RRM2: variants seen among roughly 807,000 people sequenced by gnomAD.
RRM2 encodes ribonucleotide reductase regulatory subunit M2, also known as ribonucleoside-diphosphate reductase subunit M2.
In RRM2, 6 loss-of-function variants were observed where a neutral mutation model predicts 45.9. The ratio of observed to expected loss-of-function variants is 0.13; its 90% CI spans 0.07 to 0.26. The LOEUF is 0.26. RRM2 is among the 10% of genes least tolerant of loss of function. The probability of loss-of-function intolerance (pLI) is 1.00; values close to 1 mark genes in which losing one functional copy is unlikely to be tolerated. For missense variants in RRM2, 343 were observed against 489.5 expected, an observed-to-expected ratio of 0.70 and a Z score of 2.82; for synonymous variants, 177 against 173.0, an observed-to-expected ratio of 1.02 and a Z score of -0.18.
chr2:10,122,638 T>C (rs1662675904), upstream of RRM2: 5 of 1,542,926 alleles, frequency 3.2e-6, no homozygotes, highest in South Asian at 2.4e-5. Context: ...GTCGGAGGCA[T>C]GGCACAGCCA....
At chr2:10,168,012 A>G (rs894081932) in intron 3 of RRM2, among the ~76,000 whole-genome samples, 2 of 149,966 alleles carry the variant, frequency 1.3e-5, no homozygotes, top group Admixed American at 6.7e-5. Context: ...ACAGATCAAC[A>G]GTAGAAAAGA....
At chr2:10,174,848 C>CA (rs1483190969) in intron 3 of RRM2, among the ~76,000 whole-genome samples, 1 of 145,294 alleles carries the variant, frequency 6.9e-6, no homozygotes, top group Non-Finnish European at 1.5e-5. Context: ...GCCTGGGTGA[C>CA]AGAGTGAGAC....
chr2:10,197,172 T>A (rs990028434), intron 3 of RRM2, among the ~76,000 whole-genome samples: 2 of 152,158 alleles, frequency 1.3e-5, no homozygotes, highest in Non-Finnish European at 2.9e-5. Flanking sequence ...GCCTCAACAA[T>A]CCCTCCTTCG....
At chr2:10,132,024 C>T (rs545477031), downstream of RRM2, among the ~76,000 whole-genome samples, 1 of 152,298 alleles carries the variant, frequency 6.6e-6, no homozygotes, top group South Asian at 2.1e-4. Context: ...TGTCCCACAT[C>T]TGACCTGTGT....
rs149694143 is a variant in RRM2, at chr2:10,170,574, G to A, written n.482+28199G>A. On this transcript the variant is annotated intron_variant and non_coding_transcript_variant, in intron 3 of 3. Transcript: ENST00000381786. ...ATGCCAAGGAGGCGCCTGGGCAGCTGATGAGCTCAGCCCCAGGGTGACTGC... is the reference window on the plus strand; with the variant it reads ...ATGCCAAGGAGGCGCCTGGGCAGCTAATGAGCTCAGCCCCAGGGTGACTGC... Among the ~76,000 whole-genome samples, 1,516 of 152,308 alleles carry A rather than the reference G, an allele frequency of 1.0e-2. 16 individuals are homozygous for A. Among genetic ancestry groups the A allele is most frequent in the Non-Finnish European group, 0.015 (1,041 of 68,014 alleles).
At chr2:10,157,665 C>CT (rs1397940300) in intron 3 of RRM2, among the ~76,000 whole-genome samples, 1 of 152,146 alleles carries the variant, frequency 6.6e-6, no homozygotes, top group Non-Finnish European at 1.5e-5. Context: ...TAGCTGTAAT[C>CT]TTTTTTGTTG....
chr2:10,198,999 A>T (rs1268607411), intron 3 of RRM2: 1 of 152,186 alleles, frequency 6.6e-6, no homozygotes, highest in Non-Finnish European at 1.5e-5. Flanking sequence ...GGAACTTAAA[A>T]TGCTGCTGTT....
At chr2:10,166,829 G>A (rs756400198) in intron 3 of RRM2, among the ~76,000 whole-genome samples, 1 of 152,256 alleles carries the variant, frequency 6.6e-6, no homozygotes, top group African/African-American at 2.4e-5. Flanking sequence ...ACAAGCATGA[G>A]CGTGTCTAGA....
At position 10,130,455 on chromosome 2, in the gene RRM2, T is replaced by G. The variant is rs1662873329; in HGVS notation, c.*1069T>G. 1 of 152,102 alleles carries G rather than the reference T, an allele frequency of 6.6e-6. No individual in the cohort carries two copies. The highest frequency in any genetic ancestry group is 1.5e-5 in the Non-Finnish European group (1 of 68,024). The allele number at this position is 152,102 out of a possible 1,614,324, so 9.4% of individuals were successfully genotyped here. On this transcript the variant is annotated 3_prime_UTR_variant, in exon 10 of 10. Transcript: ENST00000304567. ...TACTATGTCTGTTAAATCAGAAATT[T>G]TTTATTATCTATGTTCTTCTAGATT...
rs776553780 is a variant in RRM2, at chr2:10,143,578, C to T, written n.482+1203C>T. Among the ~76,000 whole-genome samples, 8 of 152,294 alleles carry T rather than the reference C, an allele frequency of 5.3e-5. No homozygotes were observed. In the South Asian group the frequency reaches 6.2e-4, roughly 12 times the overall value. On this transcript the variant is annotated intron_variant and non_coding_transcript_variant, in intron 3 of 3. Coordinates refer to the RRM2 transcript ENST00000381786. ...GAAGCTGCTGTGTCTGACACGGTAA[C>T]GTGCAGGTTGCACTGGGGGGGCCTG... is the stretch of plus-strand genomic sequence containing the variant.
At chr2:10,173,887 G>T (rs548023431) in intron 3 of RRM2, among the ~76,000 whole-genome samples, 10 of 152,328 alleles carry the variant, frequency 6.6e-5, no homozygotes, top group African/African-American at 2.2e-4. Context: ...GCCGAGTGGC[G>T]ATTGGGCTGG....
chr2:10,131,710 G>T (rs752335883), downstream of RRM2, among the ~76,000 whole-genome samples: 3 of 152,172 alleles, frequency 2.0e-5, no homozygotes, highest in Non-Finnish European at 2.9e-5. Context: ...CTGCACTCCA[G>T]CCTGGGCAGC....
At chr2:10,142,867 TTTTTG>T (rs1357414766) in intron 3 of RRM2, among the ~76,000 whole-genome samples, 1 of 152,188 alleles carries the variant, frequency 6.6e-6, no homozygotes, top group East Asian at 1.9e-4. Flanking sequence ...CTGAGCTTCT[TTTTTG>T]TTTTGTTTTG....
intron 3 of RRM2, among the ~76,000 whole-genome samples, chr2:10,156,787 C>T (rs1285974522): frequency 1.7e-4 from 26 of 152,168 alleles, no homozygotes; most frequent in African/African-American, 4.1e-4. Context: ...TACAGGCCCA[C>T]GCCACCACAC....
At chr2:10,193,155 C>T (rs927599428) in intron 3 of RRM2, among the ~76,000 whole-genome samples, 2 of 152,176 alleles carry the variant, frequency 1.3e-5, no homozygotes, top group African/African-American at 4.8e-5. Context: ...CCGTCGGTTC[C>T]TTGCTTTTTC....
chr2:10,148,902 T>C (rs1438854575), intron 3 of RRM2, among the ~76,000 whole-genome samples: 1 of 152,212 alleles, frequency 6.6e-6, no homozygotes, highest in Non-Finnish European at 1.5e-5. Context: ...CTTTACACCG[T>C]TCATTTTCAT....
At chr2:10,140,163 C>T (rs908013851), upstream of RRM2, among the ~76,000 whole-genome samples, 4 of 152,008 alleles carry the variant, frequency 2.6e-5, no homozygotes, top group Admixed American at 6.6e-5. Flanking sequence ...AGGAAAGTGG[C>T]GTGAATCCGG....
In RRM2 at chr2:10,164,449, C is replaced by A. The variant is rs190736610; in HGVS notation, n.482+22074C>A. 6.1e-4 allele frequency among the ~76,000 whole-genome samples: 93 copies of A among 152,278 alleles called. 1 individual carries two copies. The highest frequency in any genetic ancestry group is 2.1e-3 in the African/African-American group (87 of 41,556). On this transcript the variant is annotated intron_variant and non_coding_transcript_variant, in intron 3 of 3. Transcript: ENST00000381786. ...ATTTTATCATCATTGTTATTTTTGA[C>A]GCTGAGGGTCACTGTAACGACCAAT...
At chr2:10,199,522 C>A (rs1049427863) in intron 3 of RRM2, among the ~76,000 whole-genome samples, 4 of 151,922 alleles carry the variant, frequency 2.6e-5, no homozygotes, top group African/African-American at 9.7e-5. Flanking sequence ...TGGCTCACAC[C>A]TGTAATCCCA....
Sources: gnomAD v4.1 joint callset for allele counts (sites outside exome capture counted in the v4.1 genomes callset) on GRCh38, gnomAD v4.1.1 for gene constraint, MANE v1.5 for transcripts, NCBI Gene and HGNC (gene_info 2026-07-23, HGNC 2026-07-21) for gene names.